The following GPHN variants were observed in gnomAD, a reference collection of about 807,000 sequenced individuals.
GPHN encodes gephyrin.
Under a neutral mutation model 95.5 loss-of-function variants are expected in GPHN, and 17 were observed. That is an observed-to-expected ratio of 0.18 (90% CI 0.12 to 0.27). The LOEUF (loss-of-function observed/expected upper bound fraction) is 0.27. Ranked by LOEUF, GPHN falls within the 10% of genes least tolerant of loss-of-function variation. The pLI is 1.00. For missense variants in GPHN, 660 were observed against 978.1 expected (o/e 0.67, Z 4.34); for synonymous variants, 320 against 322.5 (o/e 0.99, Z 0.08).
At chr14:67,331,695 A>G in the GPHN span, among the ~76,000 whole-genome samples, 7 of 152,310 alleles carry the variant, frequency 4.6e-5, no homozygotes, top group East Asian at 5.8e-4. Context: ...TGGAATAACA[A>G]TGCCTTAAAT....
At chr14:67,330,523 A>G in the GPHN span, among the ~76,000 whole-genome samples, 3 of 136,444 alleles carry the variant, frequency 2.2e-5, no homozygotes, top group South Asian at 2.2e-4. Flanking sequence ...CAGTGGCACT[A>G]TCTCTGCTCA....
At chr14:67,324,980 C>CTG in the GPHN span, among the ~76,000 whole-genome samples, 1 of 141,108 alleles carries the variant, frequency 7.1e-6, no homozygotes, top group Non-Finnish European at 1.5e-5. Context: ...TCTCGGCTGA[C>CTG]TGCAAGCTCC....
chr14:67,193,027 T>C, the GPHN span, among the ~76,000 whole-genome samples: 1 of 145,940 alleles, frequency 6.9e-6, no homozygotes, highest in Non-Finnish European at 1.5e-5. Context: ...TATAGATATA[T>C]CTCTATCAAT....
At chr14:66,806,672 T>G (rs2060556692) in intron 3 of GPHN, among the ~76,000 whole-genome samples, 1 of 152,202 alleles carries the variant, frequency 6.6e-6, no homozygotes, top group African/African-American at 2.4e-5. Context: ...GTCAAAATGC[T>G]GCCAGTCTCT....
chr14:67,081,985 G>GT (rs1008667822), intron 11 of GPHN, among the ~76,000 whole-genome samples: 1 of 152,104 alleles, frequency 6.6e-6, no homozygotes, highest in Non-Finnish European at 1.5e-5. Context: ...GTACCATGTT[G>GT]TTTTAGTGAC....
chr14:66,588,890 A>C (rs2061528372), intron 1 of GPHN, among the ~76,000 whole-genome samples: 1 of 152,132 alleles, frequency 6.6e-6, no homozygotes, highest in South Asian at 2.1e-4. Flanking sequence ...GAACACCACA[A>C]AGATACTACT....
intron 21 of GPHN, among the ~76,000 whole-genome samples, chr14:67,173,450 G>C (rs2082713758): frequency 6.6e-6 from 1 of 152,096 alleles, no homozygotes; most frequent in African/African-American, 2.4e-5. Context: ...CACAGTTACT[G>C]CTCGCCCTGA....
intron 1 of GPHN, among the ~76,000 whole-genome samples, chr14:66,516,013 AT>A (rs5809316): frequency 0.31 from 45,835 of 145,692 alleles, 10,523 homozygotes; most frequent in African/African-American, 0.63. Flanking sequence ...TTTGATACAC[AT>A]TTTTTTTTTT....
intron 8 of GPHN, among the ~76,000 whole-genome samples, chr14:66,937,446 T>G (rs2067189099): frequency 6.6e-6 from 1 of 151,782 alleles, no homozygotes. Flanking sequence ...AGTGGCACAA[T>G]CTCAGCTCAC....
chr14:67,085,797 C>T (rs1157557166), intron 11 of GPHN, among the ~76,000 whole-genome samples: 1 of 152,172 alleles, frequency 6.6e-6, no homozygotes, highest in Non-Finnish European at 1.5e-5. Flanking sequence ...ACCATCACCA[C>T]CAGCCATGTC....
At chr14:66,821,343 T>G (rs1379623614) in intron 3 of GPHN, among the ~76,000 whole-genome samples, 1 of 152,200 alleles carries the variant, frequency 6.6e-6, no homozygotes, top group Non-Finnish European at 1.5e-5. Flanking sequence ...TGAGGTATCT[T>G]TCTTAAAATG....
At chr14:67,181,981 C>T (rs1183556727), downstream of GPHN, among the ~76,000 whole-genome samples, 4 of 152,098 alleles carry the variant, frequency 2.6e-5, no homozygotes, top group Non-Finnish European at 5.9e-5. Context: ...GCATTATGAT[C>T]TGTAGTGTGT....
chr14:67,374,129 A>G, the GPHN span, among the ~76,000 whole-genome samples: 2 of 152,288 alleles, frequency 1.3e-5, no homozygotes, highest in Admixed American at 6.5e-5. Flanking sequence ...CCCAAATCCA[A>G]AATGCTCCAA....
At chr14:67,623,292 G>C in the GPHN span, among the ~76,000 whole-genome samples, 1 of 152,152 alleles carries the variant, frequency 6.6e-6, no homozygotes, top group Admixed American at 6.5e-5. Context: ...AAAATAACTT[G>C]AGTGTTTTGA....
At chr14:66,640,282 C>T (rs956378573) in intron 1 of GPHN, among the ~76,000 whole-genome samples, 12 of 152,042 alleles carry the variant, frequency 7.9e-5, no homozygotes, top group Non-Finnish European at 2.9e-5. Context: ...ATTGGCTGGG[C>T]GTGGTGGCAC....
chr14:66,608,921 C>A (rs1001133757), intron 1 of GPHN, among the ~76,000 whole-genome samples: 1 of 152,048 alleles, frequency 6.6e-6, no homozygotes, highest in African/African-American at 2.4e-5. Flanking sequence ...ACAGTTGGAT[C>A]TTGTCTTTTT....
At chr14:67,483,756 T>C in the GPHN span, among the ~76,000 whole-genome samples, 1 of 151,794 alleles carries the variant, frequency 6.6e-6, no homozygotes, top group Non-Finnish European at 1.5e-5. Context: ...CTCCTGGGAG[T>C]CTCAGATGGC....
chr14:66,591,750 A>G (rs1400754181), intron 1 of GPHN, among the ~76,000 whole-genome samples: 1 of 152,250 alleles, frequency 6.6e-6, no homozygotes, highest in Non-Finnish European at 1.5e-5. Flanking sequence ...TTATAGATTA[A>G]GTGCTATCCC....
chr14:67,332,880 C>T, the GPHN span: 1 of 1,613,884 alleles, frequency 6.2e-7, no homozygotes. Flanking sequence ...CTTGATAAAG[C>T]CTATCAGGAA....
Sources: allele counts gnomAD v4.1 joint callset (sites outside exome capture counted in the v4.1 genomes callset), GRCh38; gene constraint gnomAD v4.1.1; transcripts MANE v1.5; gene names NCBI Gene and HGNC (gene_info 2026-07-23, HGNC 2026-07-21).